SAMD3: variants seen among roughly 807,000 people sequenced by gnomAD.
The protein encoded by SAMD3 is sterile alpha motif domain-containing protein 3.
A neutral mutation model predicts 58.5 loss-of-function variants in SAMD3; 63 were observed. The observed-to-expected ratio is 1.08, with a 90% CI of 0.88 to 1.33. The LOEUF is 1.33. Ranked by LOEUF, SAMD3 falls within the 40% of genes most tolerant of loss-of-function variation. The pLI is 0.00. For synonymous variants in SAMD3, 220 were observed against 210.3 expected (o/e 1.05, Z -0.40); for missense variants, 604 against 608.4 (o/e 0.99, Z 0.08).
chr6:130,294,252 T>C, intron 2 of SAMD3, among the ~76,000 whole-genome samples: 1 of 152,300 alleles, frequency 6.6e-6, no homozygotes, highest in East Asian at 1.9e-4. Flanking sequence ...GCCATACTTA[T>C]TATACTAGAC....
Position 130,214,426 on chromosome 6 carries a change from A to C in SAMD3, c.180T>G (p.Ile60Met), listed in dbSNP as rs776512649. 6.2e-7 allele frequency: 1 copy of C among 1,613,132 alleles called. No individual in the cohort carries two copies. Among genetic ancestry groups the C allele is most frequent in the Admixed American group, 1.7e-5 (1 of 59,932 alleles). Residue 60 changes from isoleucine (I) to methionine (M), a missense_variant, in exon 4 of 12, where the codon ATT (isoleucine) becomes ATG (methionine). By Grantham distance (10) the Ile-to-Met change is conservative. Transcript: ENST00000439090. ...IGHQAVLMDL[I>M]KKYKQNTQGL... ...CTTGAGTGTTCTGCTTGTATTTTTT[A>C]ATTAAATCCATCAGAACAGCCTGGT...
intron 5 of SAMD3, among the ~76,000 whole-genome samples, chr6:130,191,870 T>A (rs930249905): frequency 5.3e-5 from 8 of 152,286 alleles, no homozygotes; most frequent in African/African-American, 1.9e-4. Flanking sequence ...TATCAACTGC[T>A]ACACAATGTG....
At chr6:130,169,398 A>T (rs1407477880) in intron 8 of SAMD3, among the ~76,000 whole-genome samples, 1 of 152,196 alleles carries the variant, frequency 6.6e-6, no homozygotes, top group African/African-American at 2.4e-5. Context: ...GAGAGGCTAT[A>T]GTCTTCAAAG....
intron 1 of SAMD3, among the ~76,000 whole-genome samples, chr6:130,346,993 A>C (rs1194900115): frequency 6.6e-6 from 1 of 152,148 alleles, no homozygotes; most frequent in Non-Finnish European, 1.5e-5. Flanking sequence ...CCTCCAGCAA[A>C]CTCCAACAGA....
chr6:130,153,645 TTC>T (rs1789420447), intron 9 of SAMD3, among the ~76,000 whole-genome samples: 1 of 80,856 alleles, frequency 1.2e-5, no homozygotes, highest in East Asian at 4.8e-4. Flanking sequence ...CCCATTAAAT[TTC>T]ATATATATAT....
chr6:130,240,885 A>G (rs933254718), intron 2 of SAMD3, among the ~76,000 whole-genome samples: 3 of 152,180 alleles, frequency 2.0e-5, no homozygotes, highest in Non-Finnish European at 4.4e-5. Context: ...TAAATTACGC[A>G]GTCTCAAGTA....
intron 2 of SAMD3, among the ~76,000 whole-genome samples, chr6:130,229,968 T>A (rs1262727041): frequency 6.6e-6 from 1 of 152,224 alleles, no homozygotes; most frequent in Non-Finnish European, 1.5e-5. Flanking sequence ...ATTATTTTTC[T>A]CTAGTCATAA....
intron 9 of SAMD3, among the ~76,000 whole-genome samples, chr6:130,148,473 C>T (rs1268726252): frequency 2.6e-5 from 4 of 152,208 alleles, no homozygotes; most frequent in Non-Finnish European, 4.4e-5. Context: ...CGTCTTGACT[C>T]GTCTTGGTTT....
rs9492482 is a variant in SAMD3, at chr6:130,190,276, A to G, written c.384-5653T>C. Among the ~76,000 whole-genome samples the G allele has an allele frequency of 6.5e-3, 991 of 151,910 alleles. 11 individuals are homozygous for G. The highest frequency in any genetic ancestry group is 0.023 in the African/African-American group (951 of 41,346). ...ACACAACAGATTCAAGAGACTCCAC[A>G]CTGTAACATTCATATTTAATCCAAA... On this transcript the variant is annotated intron_variant, in intron 5 of 11. Transcript: ENST00000439090.
At chr6:130,202,987 C>A (rs952453398) in intron 5 of SAMD3, among the ~76,000 whole-genome samples, 1 of 152,126 alleles carries the variant, frequency 6.6e-6, no homozygotes, top group Admixed American at 6.5e-5. Flanking sequence ...TTATACATAT[C>A]GGTTCACACA....
intron 2 of SAMD3, among the ~76,000 whole-genome samples, chr6:130,237,575 A>G (rs1426715417): frequency 6.6e-6 from 1 of 152,164 alleles, no homozygotes; most frequent in African/African-American, 2.4e-5. Flanking sequence ...TAATTAATTA[A>G]TAATGGTTGT....
chr6:130,199,417 G>A (rs545072356), intron 5 of SAMD3, among the ~76,000 whole-genome samples: 6 of 152,356 alleles, frequency 3.9e-5, no homozygotes, highest in Admixed American at 3.3e-4. Flanking sequence ...AACCTGAGAT[G>A]TTTTGGGGAC....
At chr6:130,280,913 C>T (rs1255453549) in intron 2 of SAMD3, among the ~76,000 whole-genome samples, 2 of 152,114 alleles carry the variant, frequency 1.3e-5, no homozygotes, top group Non-Finnish European at 1.5e-5. Context: ...CTCTGATACC[C>T]TCAGGGGATA....
At chr6:130,242,349 A>C (rs557522707) in intron 2 of SAMD3, among the ~76,000 whole-genome samples, 40 of 152,362 alleles carry the variant, frequency 2.6e-4, no homozygotes, top group African/African-American at 9.4e-4. Context: ...TGTTTGAATA[A>C]AACTTTATTT....
chr6:130,255,642 A>G (rs775363788), intron 2 of SAMD3, among the ~76,000 whole-genome samples: 4 of 151,908 alleles, frequency 2.6e-5, no homozygotes, highest in African/African-American at 7.3e-5. Flanking sequence ...GTTTTATTAC[A>G]TATTCTATTT....
intron 2 of SAMD3, among the ~76,000 whole-genome samples, chr6:130,274,129 T>A (rs1195317646): frequency 6.6e-6 from 1 of 152,174 alleles, no homozygotes; most frequent in Non-Finnish European, 1.5e-5. Context: ...TACCTCTCCA[T>A]TTCTGAAGAA....
intron 1 of SAMD3, among the ~76,000 whole-genome samples, chr6:130,326,549 G>C (rs1251048572): frequency 6.6e-6 from 1 of 152,040 alleles, no homozygotes; most frequent in African/African-American, 2.4e-5. Context: ...CTGTTCATCT[G>C]TCTGGCTTTC....
chr6:130,233,030 A>C (rs1796590212), intron 2 of SAMD3, among the ~76,000 whole-genome samples: 1 of 152,074 alleles, frequency 6.6e-6, no homozygotes, highest in African/African-American at 2.4e-5. Context: ...GCTGTCCTTC[A>C]GGAAGGACAG....
At chr6:130,210,949 T>C (rs1447351722) in intron 4 of SAMD3, among the ~76,000 whole-genome samples, 1 of 151,764 alleles carries the variant, frequency 6.6e-6, no homozygotes, top group African/African-American at 2.4e-5. Context: ...TGAAACCCTG[T>C]CTCTACTAAA....
Sources: allele counts gnomAD v4.1 joint callset (sites outside exome capture counted in the v4.1 genomes callset), GRCh38; gene constraint gnomAD v4.1.1; transcripts MANE v1.5; gene names NCBI Gene and HGNC (gene_info 2026-07-23, HGNC 2026-07-21).